Variants in FBXO45 observed in about 807,000 individuals in gnomAD.
FBXO45 encodes the protein F-box/SPRY domain-containing protein 1.
FBXO45 carries 3 observed loss-of-function variants against 25.5 expected under a neutral mutation model. The ratio of observed to expected loss-of-function variants is 0.12; its 90% CI spans 0.05 to 0.30. The LOEUF is 0.30. FBXO45 is among the 10% of genes least tolerant of loss of function. FBXO45 has a pLI of 1.00. For synonymous variants in FBXO45, 155 were observed against 149.8 expected, an observed-to-expected ratio of 1.03 and a Z score of -0.25; for missense variants, 219 against 365.0, an observed-to-expected ratio of 0.60 and a Z score of 3.26.
In FBXO45 at chr3:196,569,189, T is replaced by A. The variant is rs1199987354; in HGVS notation, c.205T>A (p.Cys69Ser). 2 of 1,565,152 alleles carry A rather than the reference T, an allele frequency of 1.3e-6. No individual in the cohort carries two copies. Among genetic ancestry groups the A allele is most frequent in the South Asian group, 1.2e-5 (1 of 84,894 alleles). Residue 69 changes from cysteine to serine, a missense_variant, in exon 1 of 3, where the codon TGC becomes AGC. Around this residue, in one of 4 missense-constraint regions of FBXO45, gnomAD observed 138 missense variants for 157.3 expected, o/e 0.88. Coordinates refer to ENST00000311630, the MANE Select transcript of FBXO45 (RefSeq NM_001105573.2). The surrounding 1 kb of genome is among the most constrained non-coding windows in gnomAD (Gnocchi z 4.1). ...CALVCKHWYR[C>S]LHGDENSEVW... ...CCTGGTGTGCAAGCACTGGTACCGCTGCCTGCACGGCGATGAGAACAGCGA... is the reference window on the plus strand; with the variant it reads ...CCTGGTGTGCAAGCACTGGTACCGCAGCCTGCACGGCGATGAGAACAGCGA...
intron 2 of FBXO45, among the ~76,000 whole-genome samples, chr3:196,582,710 T>C (rs537743024): frequency 6.6e-6 from 1 of 152,320 alleles, no homozygotes; most frequent in South Asian, 2.1e-4. Flanking sequence ...TGCTGTTTTT[T>C]ATAACAAACA....
rs1735933999 is a variant in FBXO45 at position 196,577,449 on chromosome 3, T to G, written c.319-4T>G. 2.6e-6 allele frequency: 4 copies of G among 1,551,754 alleles called. No individual in the cohort carries two copies. Among genetic ancestry groups the G allele is most frequent in the Non-Finnish European group, 3.5e-6 (4 of 1,138,322 alleles). On this transcript the variant is annotated splice_polypyrimidine_tract_variant and splice_region_variant and intron_variant, in intron 1 of 2. Coordinates refer to ENST00000311630, the MANE Select transcript of FBXO45 (RefSeq NM_001105573.2). The stretch of plus-strand genomic sequence containing the variant: ...TTTATTTGGTCTGTTTTTCATCTTT[T>G]TAGATACGTGCTTTTCAACATGCCT...
In FBXO45 at chr3:196,586,048, G is replaced by GT. The variant is rs1483474659; in HGVS notation, c.*1732dup. On this transcript the variant is annotated 3_prime_UTR_variant, in exon 3 of 3. Coordinates refer to ENST00000311630, the MANE Select transcript of FBXO45 (RefSeq NM_001105573.2). ...GTTAAAGATTCTTTTCGATGTCCAG[G>GT]TTAAGAAGAAACCTCCTTGTATTGA... 6.6e-6 allele frequency: 1 copy of GT among 152,182 alleles called. No homozygotes were observed. Among genetic ancestry groups the GT allele is most frequent in the Non-Finnish European group, 1.5e-5 (1 of 68,028 alleles). 9.4% of individuals were successfully genotyped at this position (152,182 alleles called of 1,614,324 possible). A position where few individuals can be genotyped will look rare whatever the true frequency, so the allele number is the denominator to read the frequency against.
Position 196,568,925 on chromosome 3 carries a change from G to T in FBXO45, c.-60G>T. The T allele has an allele frequency of 3.0e-6, 3 of 985,372 alleles. No individual in the cohort carries two copies. In the South Asian group the frequency reaches 1.4e-4, roughly 45 times the overall value. 61.0% of individuals were successfully genotyped at this position (985,372 alleles called of 1,614,324 possible). On this transcript the variant is annotated 5_prime_UTR_variant, in exon 1 of 3. Transcript: ENST00000311630. ...GTCTCCGGGCGAGGCTTGGCCTTCCGAGCAGAGACGGCGGGAAGCGGCGGC... is the reference window on the plus strand; with the variant it reads ...GTCTCCGGGCGAGGCTTGGCCTTCCTAGCAGAGACGGCGGGAAGCGGCGGC...
intron 1 of FBXO45, among the ~76,000 whole-genome samples, chr3:196,575,645 C>T (rs901175057): frequency 3.3e-5 from 5 of 151,030 alleles, no homozygotes; most frequent in South Asian, 2.1e-4. Flanking sequence ...ATGTTCCTTC[C>T]CCATTTAATC....
intron 1 of FBXO45, among the ~76,000 whole-genome samples, chr3:196,571,727 CT>C (rs1735829693): frequency 6.6e-6 from 1 of 152,186 alleles, no homozygotes; most frequent in Admixed American, 6.5e-5. Context: ...ACCTGTCTTA[CT>C]TTTTCTTTTG....
In FBXO45 at chr3:196,575,916, A is replaced by G. The variant is rs180893680; in HGVS notation, c.319-1537A>G. Among the ~76,000 whole-genome samples the G allele has an allele frequency of 4.9e-4, 75 of 152,200 alleles. 1 individual carries two copies. Among genetic ancestry groups the G allele is most frequent in the Admixed American group, 3.1e-3 (48 of 15,286 alleles). ...TAGTCTTGAACTCCGAGTTCAGGCG[A>G]TTTGCCCACCTTGCCTTCCCAAAGT... On this transcript the variant is annotated intron_variant, in intron 1 of 2. Transcript: ENST00000311630.
chr3:196,570,051 A>G (rs746314109), intron 1 of FBXO45, among the ~76,000 whole-genome samples: 28 of 152,174 alleles, frequency 1.8e-4, no homozygotes, highest in Non-Finnish European at 2.9e-4. Context: ...CCGCCTTCAT[A>G]TACAAAATAA....
chr3:196,569,312 C>T lies in FBXO45; in HGVS notation c.318+10C>T. On this transcript the variant is annotated intron_variant, in intron 1 of 2. Coordinates refer to ENST00000311630, the MANE Select transcript of FBXO45 (RefSeq NM_001105573.2). This position sits in a 1 kb window ranked among gnomAD's most constrained non-coding sequence, Gnocchi z 4.1. ...CAGCTACAAGGCCAAGGTGAGAGAG[C>T]CCCGGGCCACACCGCTGCCCCCAGT... 1 of 1,521,520 alleles carries T rather than the reference C, an allele frequency of 6.6e-7. No individual in the cohort carries two copies. The highest frequency in any genetic ancestry group is 8.9e-7 in the Non-Finnish European group (1 of 1,124,308). 94.3% of individuals were successfully genotyped at this position (1,521,520 alleles called of 1,614,324 possible). A position where few individuals can be genotyped will look rare whatever the true frequency, so the allele number is the denominator to read the frequency against.
intron 1 of FBXO45, among the ~76,000 whole-genome samples, chr3:196,573,135 A>C (rs1040355005): frequency 1.3e-5 from 2 of 152,100 alleles, no homozygotes; most frequent in African/African-American, 4.8e-5. Context: ...TATGTTGCCC[A>C]GGCTGGTGGG....
chr3:196,578,565 CTATT>C (rs899335843), intron 2 of FBXO45, among the ~76,000 whole-genome samples: 13 of 151,746 alleles, frequency 8.6e-5, no homozygotes, highest in Admixed American at 3.3e-4. Context: ...AGTTTCAACT[CTATT>C]TATAGTACAA....
rs377700456 is a variant in FBXO45 at position 196,588,299 on chromosome 3, A to G, written c.*3981A>G. The G allele has an allele frequency of 6.6e-6, 1 of 151,924 alleles. No homozygotes were observed. The highest frequency in any genetic ancestry group is 2.4e-5 in the African/African-American group (1 of 41,314). The allele number at this position is 151,924 out of a possible 1,614,324, so 9.4% of individuals were successfully genotyped here. A position where few individuals can be genotyped will look rare whatever the true frequency, so the allele number is the denominator to read the frequency against. On this transcript the variant is annotated 3_prime_UTR_variant, in exon 3 of 3. Coordinates refer to ENST00000311630, the MANE Select transcript of FBXO45 (RefSeq NM_001105573.2). The surrounding 1 kb of genome is among the most constrained non-coding windows in gnomAD (Gnocchi z 4.2). Reference sequence around the variant, plus strand: ...CAGGCTGGTCTTGAACTCCTGGCCAACACCACCCACCTCGCCTCCCAAAGT... The same window carrying G: ...CAGGCTGGTCTTGAACTCCTGGCCAGCACCACCCACCTCGCCTCCCAAAGT...
intron 1 of FBXO45, among the ~76,000 whole-genome samples, chr3:196,570,712 C>CTTTTTT (rs71161937): frequency 2.0e-5 from 2 of 99,852 alleles, no homozygotes; most frequent in African/African-American, 3.1e-5. Context: ...TTTCTTTTTT[C>CTTTTTT]TTTTTTTTTT....
intron 2 of FBXO45, 139 bp from the exon 3 acceptor site, chr3:196,583,994 T>G: frequency 1.3e-6 from 1 of 786,504 alleles, no homozygotes; most frequent in Non-Finnish European, 2.0e-6. Flanking sequence ...TCTTCCTGAC[T>G]AGAAAGCTTC....
In FBXO45 at chr3:196,584,877, A is replaced by G. The variant is rs1490096149; in HGVS notation, c.*559A>G. On this transcript the variant is annotated 3_prime_UTR_variant, in exon 3 of 3. Coordinates refer to ENST00000311630, the MANE Select transcript of FBXO45 (RefSeq NM_001105573.2). The surrounding 1 kb of genome is among the most constrained non-coding windows in gnomAD (Gnocchi z 4.3). ...AAAGTTGTATATAATATGTGTGTAA[A>G]AAAAAAAAACTGTAAAAAAGAAAGG... 6.7e-6 allele frequency: 1 copy of G among 149,474 alleles called. No individual in the cohort carries two copies. Among genetic ancestry groups the G allele is most frequent in the African/African-American group, 2.5e-5 (1 of 39,422 alleles). The allele number at this position is 149,474 out of a possible 1,614,324, so 9.3% of individuals were successfully genotyped here.
At position 196,586,147 on chromosome 3, in the gene FBXO45, C is replaced by T. The variant is rs1027638874; in HGVS notation, c.*1829C>T. On this transcript the variant is annotated 3_prime_UTR_variant, in exon 3 of 3. Transcript: ENST00000311630. ...TGATTTTTCTTGGTGTAGAACAACT[C>T]AGTTCGGCAAAGTTTAAAATTTGAT... is the stretch of plus-strand genomic sequence containing the variant. The T allele has an allele frequency of 1.3e-5, 2 of 152,102 alleles. No individual in the cohort carries two copies. The highest frequency in any genetic ancestry group is 6.5e-5 in the Admixed American group (1 of 15,270). 9.4% of individuals were successfully genotyped at this position (152,102 alleles called of 1,614,324 possible). A position where few individuals can be genotyped will look rare whatever the true frequency, so the allele number is the denominator to read the frequency against.
chr3:196,573,522 T>C (rs12636646), intron 1 of FBXO45, among the ~76,000 whole-genome samples: 44,356 of 151,976 alleles, frequency 0.29, 7,522 homozygotes, highest in East Asian at 0.65. Flanking sequence ...TACTTAAGAC[T>C]GGAACAGGTA....
At chr3:196,577,384 T>G in intron 1 of FBXO45, 69 bp from the exon 2 acceptor site, 1 of 1,179,196 alleles carries the variant, frequency 8.5e-7, no homozygotes, top group Admixed American at 2.8e-5. Flanking sequence ...CAGCGTGAAG[T>G]TTGGGTAATT....
chr3:196,572,945 G>T (rs1357090647), intron 1 of FBXO45, among the ~76,000 whole-genome samples: 1 of 151,926 alleles, frequency 6.6e-6, no homozygotes. Context: ...TTTTTGAGAT[G>T]AGGTCTTGCT....
Sources: gnomAD v4.1 joint callset for allele counts (sites outside exome capture counted in the v4.1 genomes callset) on GRCh38, gnomAD v4.1.1 for gene constraint, gnomAD v4.1.1 regional missense constraint, Gnocchi (gnomAD v3.1) non-coding constraint, MANE v1.5 for transcripts, NCBI Gene and HGNC (gene_info 2026-07-23, HGNC 2026-07-21) for gene names.